Variants in IGFBPL1 observed in about 807,000 individuals in gnomAD.
IGFBPL1 encodes the protein insulin-like growth factor-binding protein-like 1.
IGFBPL1 carries 20 observed loss-of-function variants against 23.9 expected under a neutral mutation model. The observed-to-expected ratio is 0.84, with a 90% CI of 0.59 to 1.22. IGFBPL1 has a LOEUF of 1.22. Ranked by LOEUF, IGFBPL1 falls within the 50% of genes most tolerant of loss-of-function variation. The pLI is 0.00. For missense variants in IGFBPL1, 436 were observed against 379.3 expected (o/e 1.15, Z -1.24); for synonymous variants, 184 against 171.8 (o/e 1.07, Z -0.56).
intron 1 of IGFBPL1, among the ~76,000 whole-genome samples, chr9:38,420,480 G>A (rs1426071170): frequency 2.0e-5 from 3 of 152,230 alleles, no homozygotes; most frequent in East Asian, 1.9e-4. Flanking sequence ...CAAGGCTGGC[G>A]GGTGCACAGC....
At chr9:38,414,031 T>TCA (rs1491232049) in intron 2 of IGFBPL1, 63 bp downstream of exon 2, 20 of 762,404 alleles carry the variant, frequency 2.6e-5, no homozygotes, top group Middle Eastern at 2.5e-4. Flanking sequence ...TCTCCCTCTT[T>TCA]CTCACACACA....
chr9:38,416,061 C>A (rs1821595817), intron 1 of IGFBPL1, among the ~76,000 whole-genome samples: 1 of 152,166 alleles, frequency 6.6e-6, no homozygotes, highest in East Asian at 1.9e-4. Flanking sequence ...GGAGCCCCAT[C>A]TGTGATGACA....
In IGFBPL1 at chr9:38,407,724, AG is replaced by A. The variant is rs1256963635; in HGVS notation, c.*1502del. On this transcript the variant is annotated 3_prime_UTR_variant, in exon 5 of 5. Coordinates refer to ENST00000377694, the MANE Select transcript of IGFBPL1 (RefSeq NM_001007563.3). ...CTCTGCTCCTCTTTCAGAGGCCTTC[AG>A]GCCTTGGGCAAGTAGCTTCTCCTCT... Among the ~76,000 whole-genome samples the A allele has an allele frequency of 6.6e-6, 1 of 152,206 alleles. No individual in the cohort carries two copies. The highest frequency in any genetic ancestry group is 2.4e-5 in the African/African-American group (1 of 41,454).
chr9:38,423,486 G>C lies in IGFBPL1; in HGVS notation c.460+479C>G, dbSNP rs571968523. Reference sequence around the variant, plus strand: ...CCGGGGGCCCTGGTGCTCTGGTGCTGTGGCCTGGTGACTACTGATTCCCCA... The same window carrying C: ...CCGGGGGCCCTGGTGCTCTGGTGCTCTGGCCTGGTGACTACTGATTCCCCA... On this transcript the variant is annotated intron_variant, in intron 1 of 4. Transcript: ENST00000377694. 1.1e-4 allele frequency among the ~76,000 whole-genome samples: 17 copies of C among 152,164 alleles called. No individual in the cohort carries two copies. In the East Asian group the frequency reaches 3.3e-3, roughly 30 times the overall value.
rs145567016 is a variant in IGFBPL1, at chr9:38,412,275, A to G, written c.688-726T>C. On this transcript the variant is annotated intron_variant, in intron 3 of 4. Transcript: ENST00000377694. ...TGCCAGTCGTGGGGGAAGGGTGAGC[A>G]TTATGGTCTTCTTTTTACAGGAGAC... Among the ~76,000 whole-genome samples the G allele has an allele frequency of 3.4e-3, 525 of 152,278 alleles. 1 individual carries two copies. The highest frequency in any genetic ancestry group is 4.2e-3 in the Non-Finnish European group (286 of 68,024).
chr9:38,419,785 T>C (rs1276658719), intron 1 of IGFBPL1, among the ~76,000 whole-genome samples: 1 of 152,186 alleles, frequency 6.6e-6, no homozygotes, highest in Admixed American at 6.5e-5. Flanking sequence ...TAATTCAGAA[T>C]GTATCGAAGA....
At chr9:38,411,639 T>A in intron 3 of IGFBPL1, 90 bp from the exon 4 acceptor site, 1 of 1,095,994 alleles carries the variant, frequency 9.1e-7, no homozygotes, top group Non-Finnish European at 1.3e-6. Flanking sequence ...TCTGCACACT[T>A]CCTCCTTTTC....
At chr9:38,412,577 C>T (rs1054357605) in intron 3 of IGFBPL1, among the ~76,000 whole-genome samples, 8 of 152,204 alleles carry the variant, frequency 5.3e-5, no homozygotes, top group Admixed American at 6.5e-5. Flanking sequence ...GTACTAGTTC[C>T]TTGGGCTGCT....
Position 38,424,217 on chromosome 9 carries a change from G to A in IGFBPL1, c.208C>T (p.Leu70=). 1.7e-6 allele frequency: 2 copies of A among 1,185,354 alleles called. No individual in the cohort carries two copies. Among genetic ancestry groups the A allele is most frequent in the Non-Finnish European group, 2.1e-6 (2 of 959,530 alleles). The allele number at this position is 1,185,354 out of a possible 1,614,324, so 73.4% of individuals were successfully genotyped here. Residue 70 remains leucine, a synonymous_variant, in exon 1 of 5, where the codon CTG becomes TTG. Transcript: ENST00000377694. The stretch of plus-strand genomic sequence containing the variant: ...CCGCAGCTCGCGCCCTCGGCTCCCA[G>A]GCAGCGGGCGCAGCAGCCGCACTCG... ...LDECGCCARC[L]GAEGASCGGR...
intron 3 of IGFBPL1, 92 bp downstream of exon 3, chr9:38,413,145 A>G: frequency 1.1e-6 from 1 of 898,162 alleles, no homozygotes; most frequent in Non-Finnish European, 1.8e-6. Context: ...GAAATGGGTA[A>G]GAACAGCTTT....
In IGFBPL1 at chr9:38,407,935, C is replaced by G. The variant is rs976561283; in HGVS notation, c.*1292G>C. 4.2e-5 allele frequency among the ~76,000 whole-genome samples: 6 copies of G among 142,928 alleles called. No individual in the cohort carries two copies. Among genetic ancestry groups the G allele is most frequent in the Admixed American group, 1.4e-4 (2 of 13,926 alleles). 93.8% of individuals were successfully genotyped at this position (142,928 alleles called of 152,430 possible). A position where few individuals can be genotyped will look rare whatever the true frequency, so the allele number is the denominator to read the frequency against. On this transcript the variant is annotated 3_prime_UTR_variant, in exon 5 of 5. Transcript: ENST00000377694. ...TTAAGATAAGATAGCAAATATTCTCCTTTCTTTTTTCATTAAAAAAGAAAA... is the reference window on the plus strand; with the variant it reads ...TTAAGATAAGATAGCAAATATTCTCGTTTCTTTTTTCATTAAAAAAGAAAA...
chr9:38,421,377 G>A (rs1821676664), intron 1 of IGFBPL1, among the ~76,000 whole-genome samples: 1 of 151,670 alleles, frequency 6.6e-6, no homozygotes. Flanking sequence ...GCGGATCAAA[G>A]GATCACTCTC....
intron 1 of IGFBPL1, among the ~76,000 whole-genome samples, chr9:38,414,516 G>GCTC (rs1279315378): frequency 6.6e-6 from 1 of 152,162 alleles, no homozygotes; most frequent in Admixed American, 6.5e-5. Flanking sequence ...TCCGTTCCAG[G>GCTC]CTCCGGCTGC....
chr9:38,412,464 T>TTC (rs1284581063), intron 3 of IGFBPL1, among the ~76,000 whole-genome samples: 8 of 152,276 alleles, frequency 5.3e-5, no homozygotes, highest in Non-Finnish European at 8.8e-5. Flanking sequence ...ACATGTGGCA[T>TTC]TCTTCATCTT....
Position 38,412,140 on chromosome 9 carries a change from A to G in IGFBPL1, c.688-591T>C, listed in dbSNP as rs563592870. ...AAGGATGTTCACAGCCAGGTCCATA[A>G]CCAGCTCGCGTCTTTTTTGCTTTCT... On this transcript the variant is annotated intron_variant, in intron 3 of 4. Coordinates refer to ENST00000377694, the MANE Select transcript of IGFBPL1 (RefSeq NM_001007563.3). 1.6e-4 allele frequency among the ~76,000 whole-genome samples: 24 copies of G among 152,256 alleles called. No homozygotes were observed. The South Asian group carries it at 4.6e-3, about 29-fold the overall frequency.
At chr9:38,410,738 T>A (rs920748996) in intron 4 of IGFBPL1, among the ~76,000 whole-genome samples, 6 of 152,202 alleles carry the variant, frequency 3.9e-5, no homozygotes, top group African/African-American at 1.2e-4. Flanking sequence ...GGGATTTTTA[T>A]GAGCAAAAGC....
chr9:38,413,500 G>A (rs1011097059), intron 2 of IGFBPL1, 147 bp from the exon 3 acceptor site: 10 of 577,040 alleles, frequency 1.7e-5, no homozygotes, highest in East Asian at 1.4e-4. Context: ...CTATGCAAAT[G>A]ACATCAGTCA....
In IGFBPL1 at chr9:38,411,525, C is replaced by T. The variant is rs1163390413; in HGVS notation, c.712G>A (p.Glu238Lys). Residue 238 changes from glutamate to lysine, a missense_variant, in exon 4 of 5, where the codon GAG (glutamate) becomes AAG (lysine). Transcript: ENST00000377694. ...ILINPLRKEDEGVYQCHAANM... is the reference protein window; with the variant it reads ...ILINPLRKEDKGVYQCHAANM... ...GCTGCATGGCACTGGTACACACCCT[C>T]ATCCTCCTTTCGCAGGGGGTTGATC... The T allele has an allele frequency of 1.9e-6, 3 of 1,614,128 alleles. No homozygotes were observed. Among genetic ancestry groups the T allele is most frequent in the East Asian group, 4.5e-5 (2 of 44,886 alleles).
chr9:38,414,802 C>A (rs902803542), intron 1 of IGFBPL1, among the ~76,000 whole-genome samples: 2 of 152,146 alleles, frequency 1.3e-5, no homozygotes, highest in Non-Finnish European at 2.9e-5. Context: ...CAAGCCTGGG[C>A]AAATCAGGGA....
Sources: gnomAD v4.1 joint callset for allele counts (sites outside exome capture counted in the v4.1 genomes callset) on GRCh38, gnomAD v4.1.1 for gene constraint, MANE v1.5 for transcripts, NCBI Gene and HGNC (gene_info 2026-07-23, HGNC 2026-07-21) for gene names.